IRAK4: variants seen among roughly 807,000 people sequenced by gnomAD.
IRAK4 encodes interleukin 1 receptor associated kinase 4.
In IRAK4, 44 loss-of-function variants were observed where a neutral mutation model predicts 51.8. That is an observed-to-expected ratio of 0.85 (90% CI 0.67 to 1.09). The LOEUF is 1.09. Ranked by LOEUF, IRAK4 falls within the 50% of genes least tolerant of loss-of-function variation. IRAK4 has a pLI of 0.00. For missense variants in IRAK4, 487 were observed against 538.0 expected, an observed-to-expected ratio of 0.91 and a Z score of 0.94; for synonymous variants, 149 against 174.1, an observed-to-expected ratio of 0.86 and a Z score of 1.13.
intron 1 of IRAK4, among the ~76,000 whole-genome samples, chr12:43,766,261 T>TAAAGA (rs1940138030): frequency 6.6e-6 from 1 of 152,184 alleles, no homozygotes; most frequent in African/African-American, 2.4e-5. Flanking sequence ...GCAAGCTCTT[T>TAAAGA]GCCTGAGACA....
intron 8 of IRAK4, among the ~76,000 whole-genome samples, chr12:43,779,623 C>T (rs1044045716): frequency 6.6e-6 from 1 of 152,048 alleles, no homozygotes; most frequent in African/African-American, 2.4e-5. Flanking sequence ...TCAGGAAGAG[C>T]GAAGTATCAG....
At chr12:43,759,050 A>G (rs941010994) in intron 1 of IRAK4, 34 bp downstream of exon 1, 2 of 152,126 alleles carry the variant, frequency 1.3e-5, no homozygotes, top group Admixed American at 1.3e-4. Flanking sequence ...CCTCGGTCAA[A>G]CGTCGTCCGA....
Position 43,786,829 on chromosome 12 carries a change from A to G in IRAK4, c.*114A>G. 2 of 879,826 alleles carry G rather than the reference A, an allele frequency of 2.3e-6. No individual in the cohort carries two copies. Among genetic ancestry groups the G allele is most frequent in the Non-Finnish European group, 3.7e-6 (2 of 546,116 alleles). 54.5% of individuals were successfully genotyped at this position (879,826 alleles called of 1,614,324 possible). ...CCTTTAACAAGGCATAGGCTGTTGC[A>G]GGACAGTGGTTATTAAAGCATGGGT... On this transcript the variant is annotated 3_prime_UTR_variant, in exon 12 of 12. Transcript: ENST00000613694.
chr12:43,771,658 A>G (rs1404795001), intron 3 of IRAK4, among the ~76,000 whole-genome samples: 1 of 152,186 alleles, frequency 6.6e-6, no homozygotes, highest in Non-Finnish European at 1.5e-5. Flanking sequence ...AGTAATTATA[A>G]TTTTGAGTTC....
chr12:43,776,282 ATAGT>A (rs1389256933), intron 6 of IRAK4, among the ~76,000 whole-genome samples: 2 of 152,164 alleles, frequency 1.3e-5, no homozygotes, highest in Admixed American at 6.5e-5. Context: ...AAATGGGACA[ATAGT>A]ACTTACTTAA....
At chr12:43,782,279 T>C (rs1362275664) in intron 8 of IRAK4, 28 bp from the exon 9 acceptor site, 1 of 1,567,352 alleles carries the variant, frequency 6.4e-7, no homozygotes, top group East Asian at 2.2e-5. Context: ...AAAAACATTT[T>C]TTTCTTCAAA....
chr12:43,769,441 C>A (rs149249558), intron 2 of IRAK4, among the ~76,000 whole-genome samples: 51 of 148,588 alleles, frequency 3.4e-4, no homozygotes, highest in African/African-American at 1.2e-3. Context: ...GGGCAGATTG[C>A]TTGAGCCCAG....
intron 4 of IRAK4, 39 bp downstream of exon 4, chr12:43,772,401 C>T (rs1473420188): frequency 6.5e-7 from 1 of 1,541,740 alleles, no homozygotes; most frequent in South Asian, 1.1e-5. Context: ...AGGGATTTGT[C>T]ATTAAGACTA....
intron 8 of IRAK4, among the ~76,000 whole-genome samples, chr12:43,780,963 C>T (rs4251580): frequency 0.11 from 16,048 of 152,194 alleles, 1,002 homozygotes; most frequent in Middle Eastern, 0.2. Context: ...AGCTTCCAAT[C>T]CTGGATTTTT....
At chr12:43,767,149 C>T (rs1046744691) in intron 1 of IRAK4, among the ~76,000 whole-genome samples, 4 of 152,010 alleles carry the variant, frequency 2.6e-5, no homozygotes, top group Non-Finnish European at 5.9e-5. Flanking sequence ...AAATAATTGA[C>T]AGAAGAATAT....
chr12:43,770,901 G>C, intron 2 of IRAK4: 1 of 504,776 alleles, frequency 2.0e-6, no homozygotes, highest in Non-Finnish European at 3.7e-6. Context: ...GGCAGGAGTG[G>C]GTTAGTTATC....
At position 43,786,799 on chromosome 12, in the gene IRAK4, CT is replaced by C; in HGVS notation, c.*87del. On this transcript the variant is annotated 3_prime_UTR_variant, in exon 12 of 12. Coordinates refer to ENST00000613694, the MANE Select transcript of IRAK4 (RefSeq NM_016123.4). ...ACTGATTTTTTTCCTAAATATTCTT[CT>C]TTACCTTTAACAAGGCATAGGCTGT... is the stretch of plus-strand genomic sequence containing the variant. The C allele has an allele frequency of 8.4e-7, 1 of 1,193,818 alleles. No homozygotes were observed. Among genetic ancestry groups the C allele is most frequent in the Non-Finnish European group, 1.2e-6 (1 of 808,222 alleles). 74.0% of individuals were successfully genotyped at this position (1,193,818 alleles called of 1,614,324 possible). A position where few individuals can be genotyped will look rare whatever the true frequency, so the allele number is the denominator to read the frequency against.
chr12:43,770,586 A>C (rs1200379821), intron 2 of IRAK4, among the ~76,000 whole-genome samples: 1 of 152,188 alleles, frequency 6.6e-6, no homozygotes, highest in Non-Finnish European at 1.5e-5. Flanking sequence ...GTACCCAGTA[A>C]ATTATTATCA....
chr12:43,763,354 T>C (rs916746167), intron 1 of IRAK4: 5 of 152,220 alleles, frequency 3.3e-5, no homozygotes, highest in Non-Finnish European at 7.3e-5. Flanking sequence ...GTGGGTTGAG[T>C]GCAGAAGCAG....
intron 8 of IRAK4, among the ~76,000 whole-genome samples, chr12:43,779,346 A>G (rs1040284950): frequency 4.6e-5 from 7 of 152,226 alleles, no homozygotes; most frequent in African/African-American, 1.7e-4. Context: ...AGAGAAGTGT[A>G]GGAAGCTAAG....
chr12:43,760,783 C>G (rs954829401), intron 1 of IRAK4: 1 of 152,186 alleles, frequency 6.6e-6, no homozygotes, highest in African/African-American at 2.4e-5. Context: ...TCTTTCATTT[C>G]ACTTGGCACC....
At chr12:43,771,415 G>A in intron 3 of IRAK4, 50 bp downstream of exon 3, 1 of 1,575,454 alleles carries the variant, frequency 6.3e-7, no homozygotes, top group Non-Finnish European at 8.7e-7. Flanking sequence ...AAAGACAAAT[G>A]GCAGAAATAT....
chr12:43,784,896 TC>T (rs1942077700), intron 10 of IRAK4, among the ~76,000 whole-genome samples: 1 of 152,222 alleles, frequency 6.6e-6, no homozygotes, highest in Non-Finnish European at 1.5e-5. Flanking sequence ...TCAGAATTTA[TC>T]TTTGAAAGTG....
rs1428565409 is a variant in IRAK4, at chr12:43,787,124, T to C, written c.*409T>C. The C allele has an allele frequency of 5.8e-6, 1 of 172,464 alleles. No individual in the cohort carries two copies. The allele number at this position is 172,464 out of a possible 1,614,324, so 10.7% of individuals were successfully genotyped here. On this transcript the variant is annotated 3_prime_UTR_variant, in exon 12 of 12. Transcript: ENST00000613694. ...TGAGCCACTAATAACATTGGGCTAATATCTGCTGTGCTTCTCTGACAGGTA... is the reference window on the plus strand; with the variant it reads ...TGAGCCACTAATAACATTGGGCTAACATCTGCTGTGCTTCTCTGACAGGTA...
Sources: gnomAD v4.1 joint callset for allele counts (sites outside exome capture counted in the v4.1 genomes callset) on GRCh38, gnomAD v4.1.1 for gene constraint, MANE v1.5 for transcripts, NCBI Gene and HGNC (gene_info 2026-07-23, HGNC 2026-07-21) for gene names.